OSBPL8: variants seen among roughly 807,000 people sequenced by gnomAD.
OSBPL8 encodes the protein oxysterol binding protein like 8.
In OSBPL8, 59 loss-of-function variants were observed where a neutral mutation model predicts 125.5. That is an observed-to-expected ratio of 0.47 (90% CI 0.38 to 0.58). OSBPL8 has a LOEUF of 0.58. OSBPL8 is among the 20% of genes least tolerant of loss of function. OSBPL8 has a pLI of 0.00. For synonymous variants in OSBPL8, 330 were observed against 338.9 expected (o/e 0.97, Z 0.29); for missense variants, 758 against 1,047.8 (o/e 0.72, Z 3.82).
chr12:76,453,124 C>T (rs1481325656), intron 3 of OSBPL8, among the ~76,000 whole-genome samples: 1 of 152,058 alleles, frequency 6.6e-6, no homozygotes, highest in Non-Finnish European at 1.5e-5. Context: ...TTTTCTTCCT[C>T]CATTAGACAT....
At chr12:76,510,881 CAA>C (rs71445235) in intron 1 of OSBPL8, among the ~76,000 whole-genome samples, 19 of 106,366 alleles carry the variant, frequency 1.8e-4, no homozygotes, top group Admixed American at 1.9e-4. Flanking sequence ...AACCCCATCT[CAA>C]AAAAAAAAAA....
chr12:76,472,970 G>A (rs943722257), intron 2 of OSBPL8, among the ~76,000 whole-genome samples: 17 of 152,122 alleles, frequency 1.1e-4, no homozygotes, highest in African/African-American at 4.1e-4. Context: ...CTAAGTAGCA[G>A]GTGTTTTTCC....
In OSBPL8 at chr12:76,559,729, C is replaced by CG. The variant is rs1439943662; in HGVS notation, c.-401dup. On this transcript the variant is annotated 5_prime_UTR_variant, in exon 1 of 24. The change abolishes the stop of an existing upstream ORF in the 5' untranslated region. Transcript: ENST00000261183. ...TACAGCCGCCGCCTGGCCAGGAGCG[C>CG]GTCGCGGCCTAATGTTGTCATCCGC... The CG allele has an allele frequency of 6.6e-6, 1 of 152,308 alleles. No individual in the cohort carries two copies. 9.4% of individuals were successfully genotyped at this position (152,308 alleles called of 1,614,324 possible).
chr12:76,474,497 G>A (rs1418362444), intron 2 of OSBPL8, among the ~76,000 whole-genome samples: 4 of 151,800 alleles, frequency 2.6e-5, no homozygotes, highest in Admixed American at 1.3e-4. Flanking sequence ...ATCTTTTTGG[G>A]GGGAGGCAGA....
chr12:76,494,009 CCT>C (rs748215824), intron 1 of OSBPL8, among the ~76,000 whole-genome samples: 29 of 152,206 alleles, frequency 1.9e-4, no homozygotes, highest in Non-Finnish European at 3.5e-4. Context: ...ATTATTCCAA[CCT>C]CTCTGTTAAA....
intron 2 of OSBPL8, among the ~76,000 whole-genome samples, chr12:76,473,763 C>A (rs1412637443): frequency 2.0e-5 from 3 of 152,106 alleles, no homozygotes; most frequent in Admixed American, 6.5e-5. Flanking sequence ...GTATTCAAGG[C>A]CCTGTATGAT....
chr12:76,462,357 C>A (rs567870725), intron 2 of OSBPL8, among the ~76,000 whole-genome samples: 1 of 152,116 alleles, frequency 6.6e-6, no homozygotes, highest in South Asian at 2.1e-4. Flanking sequence ...TTAGTCTCGA[C>A]ATTATCCTCA....
intron 21 of OSBPL8, among the ~76,000 whole-genome samples, chr12:76,368,181 T>C (rs980106089): frequency 6.6e-6 from 1 of 152,220 alleles, no homozygotes; most frequent in Non-Finnish European, 1.5e-5. Flanking sequence ...TTTTGCCAGA[T>C]ACAGAATTCT....
Position 76,547,620 on chromosome 12 carries a change from T to C in OSBPL8, c.-68+11777A>G, listed in dbSNP as rs1592899132. Among the ~76,000 whole-genome samples the C allele has an allele frequency of 6.6e-5, 10 of 152,256 alleles. 3 individuals carry two copies. Among genetic ancestry groups the C allele is most frequent in the Non-Finnish European group, 1.5e-5 (1 of 68,026 alleles). ...ATCAACTACTGAACCAAAGTAGCTA[T>C]CACACATGAGGCAGAGAAGTAAATG... is the stretch of plus-strand genomic sequence containing the variant. On this transcript the variant is annotated intron_variant, in intron 1 of 23. Transcript: ENST00000261183.
intron 23 of OSBPL8, 141 bp from the exon 24 acceptor site, chr12:76,356,162 T>TGGGGGGGGGTAGGGAGGGG: frequency 7.6e-6 from 1 of 131,834 alleles, no homozygotes; most frequent in Non-Finnish European, 1.6e-5. Flanking sequence ...TATGTAGGGG[T>TGGGGGGGGGTAGGGAGGGG]GGGGGGGGGC....
intron 1 of OSBPL8, among the ~76,000 whole-genome samples, chr12:76,533,863 C>A (rs1466942126): frequency 6.6e-6 from 1 of 152,138 alleles, no homozygotes; most frequent in Non-Finnish European, 1.5e-5. Flanking sequence ...ATAGTCATTT[C>A]CAGTAGGTGA....
chr12:76,387,985 C>G (rs369684146), intron 12 of OSBPL8, among the ~76,000 whole-genome samples: 2 of 152,118 alleles, frequency 1.3e-5, no homozygotes, highest in East Asian at 3.8e-4. Flanking sequence ...TAGGCATAAA[C>G]AAGCATATAT....
chr12:76,540,455 T>A (rs1016344011), intron 1 of OSBPL8, among the ~76,000 whole-genome samples: 5 of 151,592 alleles, frequency 3.3e-5, no homozygotes, highest in African/African-American at 4.8e-5. Flanking sequence ...TACAATAGAA[T>A]ACGAGTTCTG....
intron 1 of OSBPL8, among the ~76,000 whole-genome samples, chr12:76,531,985 C>T (rs1395385005): frequency 2.8e-5 from 4 of 142,820 alleles, no homozygotes; most frequent in African/African-American, 7.9e-5. Flanking sequence ...TGCAGTGAGC[C>T]GAGATCGCGC....
At chr12:76,474,115 T>C (rs61925507) in intron 2 of OSBPL8, among the ~76,000 whole-genome samples, 30,988 of 152,100 alleles carry the variant, frequency 0.2, 3,398 homozygotes, top group Non-Finnish European at 0.26. Context: ...AGGTACTATG[T>C]GTAGAATGTG....
At chr12:76,512,675 T>C (rs1248745550) in intron 1 of OSBPL8, among the ~76,000 whole-genome samples, 1 of 152,238 alleles carries the variant, frequency 6.6e-6, no homozygotes, top group African/African-American at 2.4e-5. Context: ...GGGCTCTTTT[T>C]TGGTTCCACA....
intron 2 of OSBPL8, among the ~76,000 whole-genome samples, chr12:76,484,788 C>T (rs912027930): frequency 2.6e-5 from 4 of 152,048 alleles, no homozygotes; most frequent in East Asian, 1.9e-4. Context: ...TGGACCTCAA[C>T]GTTAGTTTCA....
intron 1 of OSBPL8, among the ~76,000 whole-genome samples, chr12:76,552,071 A>AT (rs923344994): frequency 1.1e-4 from 17 of 152,164 alleles, no homozygotes; most frequent in African/African-American, 3.4e-4. Context: ...AAGAATACCT[A>AT]TTTTTTCTGC....
At chr12:76,492,468 TG>T (rs919511755) in intron 1 of OSBPL8, among the ~76,000 whole-genome samples, 2 of 152,210 alleles carry the variant, frequency 1.3e-5, no homozygotes, top group Non-Finnish European at 2.9e-5. Flanking sequence ...TACGGGTCTG[TG>T]GCCTGTTAGG....
Sources: allele counts gnomAD v4.1 joint callset (sites outside exome capture counted in the v4.1 genomes callset), GRCh38; gene constraint gnomAD v4.1.1; transcripts MANE v1.5; gene names NCBI Gene and HGNC (gene_info 2026-07-23, HGNC 2026-07-21).